TAOK1: variants seen among roughly 807,000 people sequenced by gnomAD.
TAOK1 encodes the protein serine/threonine-protein kinase TAO1.
TAOK1 carries 21 observed loss-of-function variants against 138.3 expected under a neutral mutation model. The ratio of observed to expected loss-of-function variants is 0.15; its 90% confidence interval spans 0.11 to 0.22. The LOEUF (loss-of-function observed/expected upper bound fraction) is 0.22, where lower values mean the gene tolerates loss of function less well. Among genes scored for constraint, TAOK1 ranks in the 10% least tolerant of loss-of-function variants. The pLI is 1.00. For synonymous variants in TAOK1, 361 were observed against 398.4 expected, an observed-to-expected ratio of 0.91 and a Z score of 1.12; for missense variants, 651 against 1,227.7, an observed-to-expected ratio of 0.53 and a Z score of 7.02.
At chr17:29,492,443 A>T (rs2031313316) in intron 10 of TAOK1, among the ~76,000 whole-genome samples, 1 of 152,244 alleles carries the variant, frequency 6.6e-6, no homozygotes, top group Non-Finnish European at 1.5e-5. Flanking sequence ...GCAAGAATAT[A>T]ATCATGAGTT....
At chr17:29,392,370 CTGTT>C (rs1328402501) in intron 1 of TAOK1, among the ~76,000 whole-genome samples, 2 of 152,034 alleles carry the variant, frequency 1.3e-5, no homozygotes, top group South Asian at 4.1e-4. Flanking sequence ...CTTTCTGCAG[CTGTT>C]TCTTTGTTCT....
chr17:29,431,309 G>T lies in TAOK1; in HGVS notation c.-94-20146G>T, dbSNP rs537280379. On this transcript the variant is annotated intron_variant, in intron 1 of 19. Transcript: ENST00000261716. ...GAAAACATATTAGTTGAGCATGGTG[G>T]TGTGTGCCTGTAGTCTCAGCTGCTT... Among the ~76,000 whole-genome samples the T allele has an allele frequency of 9.9e-5, 15 of 152,234 alleles. No homozygotes were observed. In the East Asian group the frequency reaches 2.7e-3, roughly 28 times the overall value.
At chr17:29,515,821 GCAAGAC>G (rs1451698376) in intron 15 of TAOK1, among the ~76,000 whole-genome samples, 2 of 151,800 alleles carry the variant, frequency 1.3e-5, no homozygotes, top group Non-Finnish European at 2.9e-5. Context: ...GGGCGACAGA[GCAAGAC>G]TCTGTCTCAA....
At chr17:29,519,237 G>A (rs937386868) in intron 16 of TAOK1, among the ~76,000 whole-genome samples, 2 of 152,180 alleles carry the variant, frequency 1.3e-5, no homozygotes, top group Non-Finnish European at 2.9e-5. Flanking sequence ...TTGGCTGGGT[G>A]TGATGGTTCA....
chr17:29,532,319 A>G (rs2032130803), intron 18 of TAOK1, among the ~76,000 whole-genome samples: 1 of 151,108 alleles, frequency 6.6e-6, no homozygotes, highest in African/African-American at 2.4e-5. Context: ...CAGAGATCTA[A>G]TGAGATTCTA....
intron 6 of TAOK1, 35 bp from the exon 7 acceptor site, chr17:29,480,333 A>G (rs765495165): frequency 2.7e-6 from 4 of 1,474,856 alleles, no homozygotes; most frequent in Admixed American, 3.6e-5. Context: ...CTATTGAGGG[A>G]AAGTTAAGTA....
chr17:29,444,162 A>G (rs1398954572), intron 1 of TAOK1, among the ~76,000 whole-genome samples: 1 of 151,628 alleles, frequency 6.6e-6, no homozygotes, highest in Non-Finnish European at 1.5e-5. Flanking sequence ...TATTAGTCCT[A>G]CATTTTGTTT....
intron 19 of TAOK1, among the ~76,000 whole-genome samples, chr17:29,538,432 G>T (rs143944945): frequency 7.1e-4 from 108 of 152,246 alleles, no homozygotes; most frequent in African/African-American, 2.5e-3. Flanking sequence ...ATGTTACTTG[G>T]TTTTTATGGC....
In TAOK1 at chr17:29,427,432, C is replaced by T. The variant is rs560160793; in HGVS notation, c.-94-24023C>T. Among the ~76,000 whole-genome samples, 9 of 140,058 alleles carry T rather than the reference C, an allele frequency of 6.4e-5. No homozygotes were observed. The East Asian group carries it at 1.7e-3, about 26-fold the overall frequency. 91.9% of individuals were successfully genotyped at this position (140,058 alleles called of 152,430 possible). On this transcript the variant is annotated intron_variant, in intron 1 of 19. Coordinates refer to ENST00000261716, the MANE Select transcript of TAOK1 (RefSeq NM_020791.4). Reference sequence around the variant, plus strand: ...CAACATGGTGAAACCCTGTCTTTACCAAAAAATACAACAATTAGCCAGGTG... The same window carrying T: ...CAACATGGTGAAACCCTGTCTTTACTAAAAAATACAACAATTAGCCAGGTG...
chr17:29,534,558 A>G (rs927823352), intron 19 of TAOK1, among the ~76,000 whole-genome samples: 3 of 152,228 alleles, frequency 2.0e-5, no homozygotes, highest in African/African-American at 7.2e-5. Flanking sequence ...GTGTGAAGAC[A>G]GTCAGCTGAA....
chr17:29,463,942 G>A (rs969731941), intron 2 of TAOK1, among the ~76,000 whole-genome samples: 1 of 152,128 alleles, frequency 6.6e-6, no homozygotes, highest in Admixed American at 6.5e-5. Flanking sequence ...TATGCAAATG[G>A]CCAAGAAACA....
rs2032470926 is a variant in TAOK1, at chr17:29,550,404, T to C, written c.*7382T>C. 1 of 152,180 alleles carries C rather than the reference T, an allele frequency of 6.6e-6. No homozygotes were observed. The highest frequency in any genetic ancestry group is 2.4e-5 in the African/African-American group (1 of 41,450). The allele number at this position is 152,180 out of a possible 1,614,324, so 9.4% of individuals were successfully genotyped here. A position where few individuals can be genotyped will look rare whatever the true frequency, so the allele number is the denominator to read the frequency against. On this transcript the variant is annotated 3_prime_UTR_variant, in exon 20 of 20. Coordinates refer to ENST00000261716, the MANE Select transcript of TAOK1 (RefSeq NM_020791.4). ...TCTATTTATGTAAGTCTGCTAAAGT[T>C]TTTTAGCCCACTTAAAACTTAAGAC...
intron 1 of TAOK1, chr17:29,404,098 T>G (rs1328540230): frequency 1.3e-5 from 2 of 151,844 alleles, no homozygotes; most frequent in South Asian, 2.1e-4. Flanking sequence ...AATAAAACAG[T>G]GTTGAGATAT....
At chr17:29,483,847 A>T (rs544891364) in intron 8 of TAOK1, among the ~76,000 whole-genome samples, 1 of 152,254 alleles carries the variant, frequency 6.6e-6, no homozygotes, top group Admixed American at 6.5e-5. Context: ...TTTACCTATG[A>T]TTCTTTTTCC....
intron 1 of TAOK1, among the ~76,000 whole-genome samples, chr17:29,420,395 G>A (rs1443911183): frequency 6.6e-6 from 1 of 151,862 alleles, no homozygotes; most frequent in Non-Finnish European, 1.5e-5. Flanking sequence ...CTTATTTCTG[G>A]TAGCTATTTT....
intron 19 of TAOK1, among the ~76,000 whole-genome samples, chr17:29,538,687 A>G (rs1246134330): frequency 1.3e-5 from 2 of 152,216 alleles, no homozygotes; most frequent in South Asian, 2.1e-4. Flanking sequence ...AGATTGTTGT[A>G]AGTCTCCAAG....
At chr17:29,518,695 T>G (rs759192973) in intron 16 of TAOK1, among the ~76,000 whole-genome samples, 2 of 152,180 alleles carry the variant, frequency 1.3e-5, no homozygotes, top group Non-Finnish European at 2.9e-5. Flanking sequence ...TCAATAAATA[T>G]TAACCAATCC....
At chr17:29,534,529 C>T (rs2032189669) in intron 19 of TAOK1, among the ~76,000 whole-genome samples, 1 of 152,100 alleles carries the variant, frequency 6.6e-6, no homozygotes, top group South Asian at 2.1e-4. Flanking sequence ...GTAGTAATTG[C>T]TAGAGAAAAG....
chr17:29,513,653 C>G (rs1271676384), intron 15 of TAOK1: 1 of 151,748 alleles, frequency 6.6e-6, no homozygotes, highest in East Asian at 1.9e-4. Flanking sequence ...GAAAAAGATA[C>G]CCAGGTATGG....
Sources: gnomAD v4.1 joint callset for allele counts (sites outside exome capture counted in the v4.1 genomes callset) on GRCh38, gnomAD v4.1.1 for gene constraint, MANE v1.5 for transcripts, NCBI Gene and HGNC (gene_info 2026-07-23, HGNC 2026-07-21) for gene names.